MGMT: variants seen among roughly 807,000 people sequenced by gnomAD.
The protein encoded by MGMT is O-6-methylguanine-DNA methyltransferase.
MGMT carries 14 observed loss-of-function variants against 15.9 expected under a neutral mutation model. That is an observed-to-expected ratio of 0.88 (90% CI 0.58 to 1.37). The LOEUF (loss-of-function observed/expected upper bound fraction) is 1.37. Among genes scored for constraint, MGMT ranks in the 40% most tolerant of loss-of-function variants. MGMT has a pLI of 0.00. For synonymous variants in MGMT, 130 were observed against 118.2 expected (o/e 1.10, Z -0.65); for missense variants, 282 against 268.1 (o/e 1.05, Z -0.36).
intron 2 of MGMT, among the ~76,000 whole-genome samples, chr10:129,675,438 T>A (rs1847774200): frequency 6.6e-6 from 1 of 152,006 alleles, no homozygotes; most frequent in Non-Finnish European, 1.5e-5. Context: ...CCGGAAGAGT[T>A]AGGAGTGAAA....
chr10:129,542,128 G>A (rs1399353928), intron 2 of MGMT, among the ~76,000 whole-genome samples: 1 of 152,200 alleles, frequency 6.6e-6, no homozygotes, highest in Admixed American at 6.5e-5. Context: ...AAAGCGTGAA[G>A]ATGCCTTTGA....
At chr10:129,601,900 C>T (rs540337673) in intron 2 of MGMT, among the ~76,000 whole-genome samples, 14 of 152,112 alleles carry the variant, frequency 9.2e-5, no homozygotes, top group African/African-American at 3.4e-4. Flanking sequence ...TGAGTTTTGT[C>T]GCCGTGGTAC....
chr10:129,587,995 T>A (rs917608993), intron 2 of MGMT, among the ~76,000 whole-genome samples: 2 of 152,178 alleles, frequency 1.3e-5, no homozygotes, highest in African/African-American at 4.8e-5. Context: ...GGCAGGTAAG[T>A]TACGTGGAAA....
chr10:129,572,941 GAAGC>G (rs1846437201), intron 2 of MGMT, among the ~76,000 whole-genome samples: 1 of 152,110 alleles, frequency 6.6e-6, no homozygotes. Flanking sequence ...GGAGTGATTT[GAAGC>G]AAAGTTAATT....
chr10:129,686,116 T>C (rs569162376), intron 2 of MGMT, among the ~76,000 whole-genome samples: 3 of 152,252 alleles, frequency 2.0e-5, no homozygotes, highest in African/African-American at 7.2e-5. Flanking sequence ...TCTGAGAAAA[T>C]TGGCAGCTCT....
chr10:129,677,894 C>T (rs1191840282), intron 2 of MGMT, among the ~76,000 whole-genome samples: 1 of 151,866 alleles, frequency 6.6e-6, no homozygotes. Context: ...TTGATGAGGC[C>T]GGTTGTTGGC....
chr10:129,638,878 A>T (rs1251263849), intron 2 of MGMT, among the ~76,000 whole-genome samples: 6 of 152,202 alleles, frequency 3.9e-5, no homozygotes, highest in African/African-American at 1.4e-4. Context: ...AAATGGATGG[A>T]AAGAAGCATG....
chr10:129,490,822 C>T (rs576324379), intron 1 of MGMT, among the ~76,000 whole-genome samples: 1 of 152,150 alleles, frequency 6.6e-6, no homozygotes, highest in Admixed American at 6.5e-5. Context: ...AACCATTTTT[C>T]TCCCCTTTCT....
chr10:129,751,912 T>C (rs1848754200), intron 3 of MGMT, among the ~76,000 whole-genome samples: 1 of 152,024 alleles, frequency 6.6e-6, no homozygotes, highest in South Asian at 2.1e-4. Flanking sequence ...TTAAGGTTTA[T>C]GGCCCAGAAG....
At chr10:129,516,372 C>T (rs1845738263) in intron 1 of MGMT, among the ~76,000 whole-genome samples, 1 of 152,088 alleles carries the variant, frequency 6.6e-6, no homozygotes, top group Admixed American at 6.5e-5. Flanking sequence ...CTGAGCAGAG[C>T]AAGGAAGAGT....
intron 1 of MGMT, among the ~76,000 whole-genome samples, chr10:129,516,972 C>T (rs534237418): frequency 6.6e-6 from 1 of 152,190 alleles, no homozygotes; most frequent in Non-Finnish European, 1.5e-5. Context: ...TTAGCAATGT[C>T]GACAGTTCTA....
intron 2 of MGMT, among the ~76,000 whole-genome samples, chr10:129,647,842 C>G (rs1847414469): frequency 6.6e-6 from 1 of 152,176 alleles, no homozygotes; most frequent in Non-Finnish European, 1.5e-5. Flanking sequence ...TTCAATTTCC[C>G]TCTGCAGTGT....
chr10:129,607,399 T>G (rs930860265), intron 2 of MGMT, among the ~76,000 whole-genome samples: 1 of 152,218 alleles, frequency 6.6e-6, no homozygotes, highest in Non-Finnish European at 1.5e-5. Flanking sequence ...TTAAACATTT[T>G]TAATAGCAGT....
At chr10:129,696,356 C>A (rs987512219) in intron 2 of MGMT, among the ~76,000 whole-genome samples, 1 of 152,186 alleles carries the variant, frequency 6.6e-6, no homozygotes, top group Non-Finnish European at 1.5e-5. Flanking sequence ...CAGAGGAGAA[C>A]CCACCAAGTT....
intron 2 of MGMT, among the ~76,000 whole-genome samples, chr10:129,646,967 G>T (rs1234350067): frequency 6.6e-6 from 1 of 151,528 alleles, no homozygotes; most frequent in African/African-American, 2.4e-5. Flanking sequence ...GAACACCTGG[G>T]AGTCTGTGAT....
intron 4 of MGMT, among the ~76,000 whole-genome samples, chr10:129,764,755 G>T (rs747701940): frequency 6.6e-6 from 1 of 152,318 alleles, no homozygotes; most frequent in Non-Finnish European, 1.5e-5. Context: ...GCCTGGACAC[G>T]CCCCAACCTT....
chr10:129,536,201 C>G (rs773382369), intron 1 of MGMT, 40 bp from the exon 2 acceptor site: 11 of 1,608,662 alleles, frequency 6.8e-6, no homozygotes, highest in Non-Finnish European at 9.3e-6. Context: ...CGACCAGCCT[C>G]TTACCTATAC....
intron 4 of MGMT, among the ~76,000 whole-genome samples, chr10:129,765,897 G>T (rs1412178005): frequency 6.6e-6 from 1 of 152,186 alleles, no homozygotes; most frequent in Non-Finnish European, 1.5e-5. Context: ...ACCACAGGTG[G>T]CTCTCAGAGC....
At chr10:129,629,440 G>C (rs189794102) in intron 2 of MGMT, among the ~76,000 whole-genome samples, 1 of 152,254 alleles carries the variant, frequency 6.6e-6, no homozygotes, top group African/African-American at 2.4e-5. Flanking sequence ...ATCATAGGCT[G>C]TCTGTGGCTA....
Sources: gnomAD v4.1 joint callset for allele counts (sites outside exome capture counted in the v4.1 genomes callset) on GRCh38, gnomAD v4.1.1 for gene constraint, MANE v1.5 for transcripts, NCBI Gene and HGNC (gene_info 2026-07-23, HGNC 2026-07-21) for gene names.